The following ADAMTS9 variants were observed in gnomAD, a reference collection of about 807,000 sequenced individuals.
The protein encoded by ADAMTS9 is A disintegrin and metalloproteinase with thrombospondin motifs 9.
Under a neutral mutation model 257.1 loss-of-function variants are expected in ADAMTS9, and 107 were observed. That is an observed-to-expected ratio of 0.42 (90% CI 0.36 to 0.49). The LOEUF (loss-of-function observed/expected upper bound fraction) is 0.49, where lower values mean the gene tolerates loss of function less well. Among genes scored for constraint, ADAMTS9 ranks in the 20% least tolerant of loss-of-function variants. The pLI, the probability that ADAMTS9 is intolerant of heterozygous loss-of-function variation, is 0.03. For missense variants in ADAMTS9, 2,353 were observed against 2,469.1 expected (o/e 0.95, Z 1.00); for synonymous variants, 982 against 880.9 (o/e 1.11, Z -2.03).
intron 30 of ADAMTS9, among the ~76,000 whole-genome samples, chr3:64,556,482 G>A (rs530135526): frequency 3.9e-5 from 6 of 152,076 alleles, no homozygotes; most frequent in South Asian, 4.2e-4. Context: ...CACCATACTC[G>A]GCTAATTTTT....
intron 21 of ADAMTS9, among the ~76,000 whole-genome samples, chr3:64,614,442 G>T (rs959311207): frequency 6.6e-6 from 1 of 152,200 alleles, no homozygotes; most frequent in African/African-American, 2.4e-5. Flanking sequence ...AGATTTATTT[G>T]ATGGTGAAAA....
At chr3:64,590,146 C>T (rs1384104077) in intron 28 of ADAMTS9, 1 of 152,080 alleles carries the variant, frequency 6.6e-6, no homozygotes, top group Non-Finnish European at 1.5e-5. Flanking sequence ...AAATACCCAA[C>T]AAAATATTAA....
chr3:64,679,809 C>G (rs1321478262), intron 3 of ADAMTS9, among the ~76,000 whole-genome samples: 1 of 152,210 alleles, frequency 6.6e-6, no homozygotes. Context: ...AATGGTCTTA[C>G]TAGCACGGTC....
At chr3:64,619,014 T>C (rs1221229695) in intron 19 of ADAMTS9, among the ~76,000 whole-genome samples, 1 of 152,198 alleles carries the variant, frequency 6.6e-6, no homozygotes, top group East Asian at 1.9e-4. Flanking sequence ...AAATAGTTTT[T>C]CAAAATAACA....
chr3:64,544,199 T>A (rs1356573612), intron 32 of ADAMTS9, among the ~76,000 whole-genome samples: 9 of 152,112 alleles, frequency 5.9e-5, no homozygotes, highest in Admixed American at 2.6e-4. Flanking sequence ...CCAAGGTAAT[T>A]TAAAGATTCA....
rs771961128 is a variant in ADAMTS9 at position 64,551,047 on chromosome 3, C to T, written c.4714G>A (p.Gly1572Ser). The part of the protein sequence containing the change: ...EEWQECTKTC[G>S]EGSRYRKVVC... ...ACCTTGCGGTACCTGGAGCCTTCGCCGCAGGTCTTGGTGCACTGTTAAATA... is the reference window on the plus strand; with the variant it reads ...ACCTTGCGGTACCTGGAGCCTTCGCTGCAGGTCTTGGTGCACTGTTAAATA... Residue 1572 changes from glycine to serine, a missense_variant, in exon 31 of 40, where the codon GGC (glycine) becomes AGC (serine). This residue lies in a region of ADAMTS9 where 1,402 missense variants were observed against 1,441.4 expected (regional missense o/e 0.97). Coordinates refer to ENST00000498707, the MANE Select transcript of ADAMTS9 (RefSeq NM_182920.2). 13 of 1,613,974 alleles carry T rather than the reference C, an allele frequency of 8.1e-6. No individual in the cohort carries two copies. The highest frequency in any genetic ancestry group is 2.7e-5 in the African/African-American group (2 of 74,914).
At chr3:64,559,984 G>A (rs2083392516) in intron 30 of ADAMTS9, among the ~76,000 whole-genome samples, 1 of 152,210 alleles carries the variant, frequency 6.6e-6, no homozygotes, top group Non-Finnish European at 1.5e-5. Flanking sequence ...CTGAGGGGGA[G>A]AGCGAGAGAG....
intron 31 of ADAMTS9, among the ~76,000 whole-genome samples, chr3:64,547,814 T>G (rs77917987): frequency 0.041 from 6,284 of 152,258 alleles, 219 homozygotes; most frequent in Non-Finnish European, 0.059. Flanking sequence ...GCAGAAGAAA[T>G]ACACATCGTT....
chr3:64,587,393 G>A (rs996465757), intron 28 of ADAMTS9: 12 of 152,284 alleles, frequency 7.9e-5, no homozygotes, highest in African/African-American at 2.9e-4. Context: ...GAGATGTCCT[G>A]TTGCCTGAGG....
chr3:64,592,433 A>G (rs958826753), intron 28 of ADAMTS9: 2 of 152,234 alleles, frequency 1.3e-5, no homozygotes, highest in Non-Finnish European at 2.9e-5. Flanking sequence ...GTTTTCAGTT[A>G]CAATAATTAG....
At position 64,515,796 on chromosome 3, in the gene ADAMTS9, T is replaced by C. The variant is rs766392657; in HGVS notation, c.*1331A>G. ...GAGTTGGAGAATACTGCCAGGCTTT[T>C]CCTAATCTCTTTGGTCTTTGGAAGT... is the stretch of plus-strand genomic sequence containing the variant. On this transcript the variant is annotated 3_prime_UTR_variant, in exon 40 of 40. Coordinates refer to ENST00000498707, the MANE Select transcript of ADAMTS9 (RefSeq NM_182920.2). 18 of 152,216 alleles carry C rather than the reference T, an allele frequency of 1.2e-4. No individual in the cohort carries two copies. Among genetic ancestry groups the C allele is most frequent in the Admixed American group, 1.3e-4 (2 of 15,270 alleles). 9.4% of individuals were successfully genotyped at this position (152,216 alleles called of 1,614,324 possible).
chr3:64,600,147 G>A (rs1456314012), intron 26 of ADAMTS9, among the ~76,000 whole-genome samples: 1 of 141,574 alleles, frequency 7.1e-6, no homozygotes, highest in Non-Finnish European at 1.5e-5. Context: ...TCTTACTCCA[G>A]AAACCACTGA....
chr3:64,667,089 G>C (rs1701369305), intron 3 of ADAMTS9, among the ~76,000 whole-genome samples: 1 of 152,154 alleles, frequency 6.6e-6, no homozygotes, highest in Non-Finnish European at 1.5e-5. Context: ...GCACAGTGCT[G>C]ACAGTAAATA....
chr3:64,523,159 GA>G (rs1278063507), intron 38 of ADAMTS9, among the ~76,000 whole-genome samples: 1 of 152,116 alleles, frequency 6.6e-6, no homozygotes, highest in African/African-American at 2.4e-5. Flanking sequence ...TGTGTCCAGA[GA>G]AAATAAACTT....
Position 64,633,519 on chromosome 3 carries a change from G to T in ADAMTS9, c.2128C>A (p.Pro710Thr), listed in dbSNP as rs758314114. 2 of 1,614,084 alleles carry T rather than the reference G, an allele frequency of 1.2e-6. No individual in the cohort carries two copies. The highest frequency in any genetic ancestry group is 1.7e-6 in the Non-Finnish European group (2 of 1,179,994). Residue 710 changes from proline (P) to threonine (T), a missense_variant, in exon 14 of 40, where the codon CCT becomes ACT. Around this residue, in one of 3 missense-constraint regions of ADAMTS9, gnomAD observed 360 missense variants for 458.1 expected, o/e 0.79. Transcript: ENST00000498707. ...ATATCATTTGTGTCCTGGCCACAAG[G>T]AGTTCCATCTATCACTCTGTCTCGA... is the stretch of plus-strand genomic sequence containing the variant. Reference protein sequence around the residue: ...QLRDRVIDGTPCGQDTNDICV... With the variant: ...QLRDRVIDGTTCGQDTNDICV...
intron 12 of ADAMTS9, among the ~76,000 whole-genome samples, chr3:64,641,427 G>A (rs1468397594): frequency 3.5e-4 from 53 of 149,952 alleles, no homozygotes; most frequent in African/African-American, 4.9e-5. Context: ...CCATTAACTC[G>A]TCATTTAGCA....
intron 11 of ADAMTS9, among the ~76,000 whole-genome samples, chr3:64,646,078 G>T (rs1189039966): frequency 6.6e-6 from 1 of 152,174 alleles, no homozygotes; most frequent in African/African-American, 2.4e-5. Context: ...TTTCGTTGTT[G>T]TGTTTCTTTT....
chr3:64,602,527 T>C (rs1046490893), intron 25 of ADAMTS9, among the ~76,000 whole-genome samples: 2 of 152,214 alleles, frequency 1.3e-5, no homozygotes, highest in Non-Finnish European at 2.9e-5. Context: ...CCCTTTATGA[T>C]GTGGCCACTG....
chr3:64,672,926 C>A lies in ADAMTS9; in HGVS notation c.679+8275G>T, dbSNP rs1466294688. ...CGTAATACTAAATTTTTAACTGTACCTTTTCTATGTTTAGATACACAGATA... is the reference window on the plus strand; with the variant it reads ...CGTAATACTAAATTTTTAACTGTACATTTTCTATGTTTAGATACACAGATA... On this transcript the variant is annotated intron_variant, in intron 3 of 39. Transcript: ENST00000498707. Among the ~76,000 whole-genome samples the A allele has an allele frequency of 2.6e-5, 4 of 151,686 alleles. 1 individual carries two copies. Among genetic ancestry groups the A allele is most frequent in the East Asian group, 1.9e-4 (1 of 5,166 alleles).
Sources: allele counts gnomAD v4.1 joint callset (sites outside exome capture counted in the v4.1 genomes callset), GRCh38; gene constraint gnomAD v4.1.1; regional missense constraint gnomAD v4.1.1; transcripts MANE v1.5; gene names NCBI Gene and HGNC (gene_info 2026-07-23, HGNC 2026-07-21).